Variants in PDE1C observed in about 807,000 individuals in gnomAD.
The protein encoded by PDE1C is phosphodiesterase 1C.
In PDE1C, 62 loss-of-function variants were observed where a neutral mutation model predicts 93.1. The ratio of observed to expected loss-of-function variants is 0.67; its 90% CI spans 0.54 to 0.82. PDE1C has a LOEUF of 0.82. PDE1C is among the 40% of genes least tolerant of loss of function. The pLI is 0.00. For missense variants in PDE1C, 742 were observed against 884.6 expected (o/e 0.84, Z 2.04); for synonymous variants, 325 against 310.1 (o/e 1.05, Z -0.50).
chr7:32,420,171 A>G (rs1326557062), intron 1 of PDE1C, among the ~76,000 whole-genome samples: 1 of 50,620 alleles, frequency 2.0e-5, no homozygotes, highest in South Asian at 6.1e-4. Flanking sequence ...ATATATGTGT[A>G]TATATATACA....
chr7:32,182,947 C>T (rs1226482679), intron 2 of PDE1C, among the ~76,000 whole-genome samples: 3 of 152,190 alleles, frequency 2.0e-5, no homozygotes, highest in Non-Finnish European at 2.9e-5. Flanking sequence ...GCAACTTCAG[C>T]CAAGTATCAG....
intron 2 of PDE1C, among the ~76,000 whole-genome samples, chr7:31,888,268 A>G (rs973224927): frequency 1.3e-5 from 2 of 150,582 alleles, no homozygotes; most frequent in Admixed American, 6.6e-5. Flanking sequence ...AAAAAAAAAA[A>G]AAAAAGAAAA....
intron 1 of PDE1C, among the ~76,000 whole-genome samples, chr7:32,066,990 G>A (rs539533544): frequency 1.3e-5 from 2 of 152,332 alleles, no homozygotes; most frequent in Non-Finnish European, 2.9e-5. Context: ...CAGGGCCACA[G>A]AGCAAGGCTG....
intron 2 of PDE1C, among the ~76,000 whole-genome samples, chr7:31,901,028 A>G (rs1421475374): frequency 6.6e-6 from 1 of 151,788 alleles, no homozygotes; most frequent in East Asian, 1.9e-4. Context: ...ATGATAAAGA[A>G]TACATATTTG....
At chr7:32,111,885 AT>A (rs1798661598) in intron 3 of PDE1C, among the ~76,000 whole-genome samples, 1 of 152,216 alleles carries the variant, frequency 6.6e-6, no homozygotes, top group African/African-American at 2.4e-5. Context: ...GCAAGATAAT[AT>A]AGATGGTCAA....
chr7:32,322,116 T>G (rs1416290239), intron 1 of PDE1C, among the ~76,000 whole-genome samples: 1 of 152,194 alleles, frequency 6.6e-6, no homozygotes, highest in Non-Finnish European at 1.5e-5. Flanking sequence ...AGGAATGTCC[T>G]ACTATTACCC....
At chr7:31,641,664 T>C in the PDE1C span, among the ~76,000 whole-genome samples, 1 of 152,178 alleles carries the variant, frequency 6.6e-6, no homozygotes, top group Non-Finnish European at 1.5e-5. Flanking sequence ...TGTCCCAGCC[T>C]CTTCTGGTGG....
rs569255837 is a variant in PDE1C, at chr7:32,254,771, C to T, written c.85+43880G>A. On this transcript the variant is annotated intron_variant, in intron 1 of 18. Coordinates refer to the PDE1C transcript ENST00000396193. ...GAAGGCAGAGGAGATCTCAGAAACC[C>T]CTGCTACCAAGGAGTTATACTCCAC... 6.6e-5 allele frequency among the ~76,000 whole-genome samples: 10 copies of T among 152,062 alleles called. No homozygotes were observed. The South Asian group carries it at 2.1e-3, about 32-fold the overall frequency.
chr7:31,947,950 G>C (rs1806834342), intron 2 of PDE1C, among the ~76,000 whole-genome samples: 1 of 152,148 alleles, frequency 6.6e-6, no homozygotes, highest in Admixed American at 6.6e-5. Context: ...GGTGATGGTG[G>C]TAAAATCTGA....
chr7:31,628,942 A>T, the PDE1C span, among the ~76,000 whole-genome samples: 1 of 152,176 alleles, frequency 6.6e-6, no homozygotes, highest in African/African-American at 2.4e-5. Flanking sequence ...AGAGGAAAAA[A>T]CAAAAACAAA....
At chr7:31,970,108 G>A (rs956062898) in intron 2 of PDE1C, among the ~76,000 whole-genome samples, 14 of 151,998 alleles carry the variant, frequency 9.2e-5, no homozygotes, top group African/African-American at 3.4e-4. Context: ...AAACCTGCAC[G>A]TTGTGCACAT....
chr7:32,390,769 C>T (rs1784734870), intron 1 of PDE1C, among the ~76,000 whole-genome samples: 1 of 152,000 alleles, frequency 6.6e-6, no homozygotes, highest in Non-Finnish European at 1.5e-5. Context: ...GGGAGGATTG[C>T]TTGAGCCTGG....
upstream of PDE1C, among the ~76,000 whole-genome samples, chr7:32,073,962 A>G (rs1341087962): frequency 1.3e-5 from 2 of 152,236 alleles, no homozygotes; most frequent in African/African-American, 4.8e-5. Flanking sequence ...GAAACATTAC[A>G]TGGTCAAACA....
intron 7 of PDE1C, among the ~76,000 whole-genome samples, chr7:31,859,118 A>ATT (rs1794367477): frequency 7.4e-6 from 1 of 134,818 alleles, no homozygotes; most frequent in Non-Finnish European, 1.7e-5. Flanking sequence ...TGATGTATTG[A>ATT]CTATATATAT....
At chr7:31,891,304 C>G (rs192235104) in intron 2 of PDE1C, among the ~76,000 whole-genome samples, 1 of 152,084 alleles carries the variant, frequency 6.6e-6, no homozygotes, top group Non-Finnish European at 1.5e-5. Context: ...GTGGTAGGCT[C>G]AAGAGGAAGA....
chr7:32,341,173 C>CTATTTTTTTTTT (rs796122014), intron 1 of PDE1C, among the ~76,000 whole-genome samples: 2,422 of 84,906 alleles, frequency 0.029, 138 homozygotes, highest in South Asian at 0.16. Context: ...GAAATAAAGT[C>CTATTTTTTTTTT]TTTTTTTTTT....
intron 16 of PDE1C, among the ~76,000 whole-genome samples, chr7:31,779,512 C>G (rs1435418634): frequency 6.6e-6 from 1 of 152,122 alleles, no homozygotes; most frequent in African/African-American, 2.4e-5. Flanking sequence ...ACTCTGGGAA[C>G]CTTGAGTCAG....
chr7:31,835,976 T>C (rs375166023), intron 11 of PDE1C, among the ~76,000 whole-genome samples: 1 of 152,196 alleles, frequency 6.6e-6, no homozygotes, highest in East Asian at 1.9e-4. Flanking sequence ...CTCTTGTCAG[T>C]TTGCGGGACG....
At chr7:31,746,192 T>C (rs1168637211), downstream of PDE1C, among the ~76,000 whole-genome samples, 2 of 152,180 alleles carry the variant, frequency 1.3e-5, no homozygotes, top group African/African-American at 4.8e-5. Context: ...TGAGAGGGGA[T>C]ATCTCTCTTG....
Sources: allele counts gnomAD v4.1 joint callset (sites outside exome capture counted in the v4.1 genomes callset), GRCh38; gene constraint gnomAD v4.1.1; transcripts MANE v1.5; gene names NCBI Gene and HGNC (gene_info 2026-07-23, HGNC 2026-07-21).